Variants in CENPP observed in about 807,000 individuals in gnomAD.
The protein encoded by CENPP is centromere protein P.
A neutral mutation model predicts 35.6 loss-of-function variants in CENPP; 24 were observed. That is an observed-to-expected ratio of 0.67 (90% CI 0.49 to 0.95). CENPP has a LOEUF of 0.95. Ranked by LOEUF, CENPP falls within the 40% of genes least tolerant of loss-of-function variation. The pLI is 0.00. For missense variants in CENPP, 332 were observed against 345.3 expected (o/e 0.96, Z 0.31); for synonymous variants, 120 against 125.5 (o/e 0.96, Z 0.29).
At chr9:92,611,032 G>A (rs377134173) in intron 5 of CENPP, 4 of 504,816 alleles carry the variant, frequency 7.9e-6, no homozygotes, top group Admixed American at 3.5e-5. Flanking sequence ...TGGAAAGGGT[G>A]TGGGGAAACC....
At chr9:92,338,635 G>A (rs1467499221) in intron 3 of CENPP, among the ~76,000 whole-genome samples, 2 of 150,854 alleles carry the variant, frequency 1.3e-5, no homozygotes, top group East Asian at 3.9e-4. Context: ...AAATATTTTT[G>A]GTCTGCAGTT....
chr9:92,481,927 A>G (rs1252481324), intron 5 of CENPP, among the ~76,000 whole-genome samples: 1 of 152,088 alleles, frequency 6.6e-6, no homozygotes, highest in Non-Finnish European at 1.5e-5. Context: ...GATATCCCCA[A>G]ACTTCATGAT....
chr9:92,467,544 G>A (rs553171986), intron 5 of CENPP, among the ~76,000 whole-genome samples: 3 of 152,242 alleles, frequency 2.0e-5, no homozygotes, highest in African/African-American at 7.2e-5. Context: ...TACCAATCCA[G>A]GTCATCTGAT....
At chr9:92,515,316 C>G in intron 5 of CENPP, 1 of 1,277,264 alleles carries the variant, frequency 7.8e-7, no homozygotes, top group Non-Finnish European at 9.9e-7. Flanking sequence ...TATTTGAGTG[C>G]AATTTAAAGA....
chr9:92,497,075 T>C (rs768822544), intron 5 of CENPP, among the ~76,000 whole-genome samples: 1 of 152,150 alleles, frequency 6.6e-6, no homozygotes, highest in African/African-American at 2.4e-5. Context: ...TAAAATTACA[T>C]ACACACTTTA....
In CENPP at chr9:92,332,276, A is replaced by G; in HGVS notation, c.214A>G (p.Thr72Ala). The G allele has an allele frequency of 6.2e-7, 1 of 1,612,786 alleles. No homozygotes were observed. Among genetic ancestry groups the G allele is most frequent in the South Asian group, 1.1e-5 (1 of 90,838 alleles). The change falls in exon 2 of 8, where the codon ACG becomes GCG. Residue 72 changes from threonine (T) to alanine (A), a missense_variant. By Grantham distance (58) the Thr-to-Ala change is moderately conservative. Transcript: ENST00000375587. The part of the protein sequence containing the change: ...HLESELSFLS[T>A]LTGINIRNHS... The stretch of plus-strand genomic sequence containing the variant: ...AGAATCAGAACTTTCATTTCTAAGT[A>G]CGCTTACTGGCATCAATATAAGAAA...
intron 5 of CENPP, among the ~76,000 whole-genome samples, chr9:92,478,716 G>A (rs538520130): frequency 4.6e-5 from 7 of 152,150 alleles, no homozygotes; most frequent in African/African-American, 1.7e-4. Flanking sequence ...GCCTCCCAAA[G>A]TGTGCCACTG....
intron 5 of CENPP, chr9:92,496,475 A>G: frequency 6.2e-7 from 1 of 1,609,114 alleles, no homozygotes; most frequent in African/African-American, 1.3e-5. Flanking sequence ...TTCTTCTGGA[A>G]GAATGTTCCT....
At chr9:92,556,787 C>G (rs2131336165) in intron 5 of CENPP, among the ~76,000 whole-genome samples, 1 of 152,342 alleles carries the variant, frequency 6.6e-6, no homozygotes, top group East Asian at 1.9e-4. Flanking sequence ...CTTATCTACT[C>G]TGCTGTTGTG....
intron 5 of CENPP, among the ~76,000 whole-genome samples, chr9:92,581,265 G>T (rs1850417864): frequency 2.0e-5 from 3 of 152,034 alleles, no homozygotes; most frequent in Admixed American, 1.3e-4. Flanking sequence ...TACTTCTGGG[G>T]TGTTGGCAAG....
At chr9:92,577,881 G>A (rs1449011699) in intron 5 of CENPP, among the ~76,000 whole-genome samples, 2 of 151,372 alleles carry the variant, frequency 1.3e-5, no homozygotes, top group African/African-American at 2.4e-5. Context: ...CATGTGCCAT[G>A]CTGGTGCACT....
At chr9:92,407,457 TA>T (rs1274352282) in intron 5 of CENPP, among the ~76,000 whole-genome samples, 1 of 152,226 alleles carries the variant, frequency 6.6e-6, no homozygotes, top group Non-Finnish European at 1.5e-5. Context: ...GTACTCAATA[TA>T]AAATGCTTGA....
intron 5 of CENPP, among the ~76,000 whole-genome samples, chr9:92,475,975 C>A (rs569810734): frequency 6.6e-6 from 1 of 152,080 alleles, no homozygotes; most frequent in Non-Finnish European, 1.5e-5. Flanking sequence ...AAATTATTAC[C>A]TGTGAAATGT....
At chr9:92,607,324 G>A (rs1341851894) in intron 5 of CENPP, among the ~76,000 whole-genome samples, 4 of 152,160 alleles carry the variant, frequency 2.6e-5, no homozygotes, top group African/African-American at 9.7e-5. Flanking sequence ...ATAGACCAGA[G>A]TGTCTTTCAA....
Position 92,390,005 on chromosome 9 carries a change from T to C in CENPP, c.564+10146T>C, listed in dbSNP as rs370820027. The C allele has an allele frequency of 2.2e-5, 36 of 1,607,392 alleles. No homozygotes were observed. Among genetic ancestry groups the C allele is most frequent in the Admixed American group, 3.3e-5 (2 of 59,894 alleles). ...CAGAGAAAGTTTTGAAAAAGTACCATCTTCTATATCTTCTATCAAATTTCC... is the reference window on the plus strand; with the variant it reads ...CAGAGAAAGTTTTGAAAAAGTACCACCTTCTATATCTTCTATCAAATTTCC... On this transcript the variant is annotated intron_variant, in intron 5 of 7. Transcript: ENST00000375587.
At chr9:92,336,723 C>T (rs1588036289) in intron 2 of CENPP, among the ~76,000 whole-genome samples, 2 of 152,196 alleles carry the variant, frequency 1.3e-5, no homozygotes, top group South Asian at 4.2e-4. Context: ...CTGTAAAATT[C>T]CTGTAGTATG....
intron 5 of CENPP, among the ~76,000 whole-genome samples, chr9:92,468,587 A>T (rs1845399156): frequency 6.6e-6 from 1 of 152,198 alleles, no homozygotes; most frequent in African/African-American, 2.4e-5. Context: ...AACACAGAGA[A>T]TTTGTAGAAT....
chr9:92,470,768 G>A (rs931378114), intron 5 of CENPP: 13 of 1,581,528 alleles, frequency 8.2e-6, no homozygotes, highest in Non-Finnish European at 1.0e-5. Context: ...TGTTGGTTGG[G>A]ACTGAGGTCA....
intron 3 of CENPP, among the ~76,000 whole-genome samples, chr9:92,344,792 A>G (rs977592465): frequency 2.0e-5 from 3 of 147,006 alleles, no homozygotes; most frequent in Non-Finnish European, 4.5e-5. Flanking sequence ...CAGGTGATTC[A>G]CCCGCCTCTG....
Sources: allele counts gnomAD v4.1 joint callset (sites outside exome capture counted in the v4.1 genomes callset), GRCh38; gene constraint gnomAD v4.1.1; transcripts MANE v1.5; gene names NCBI Gene and HGNC (gene_info 2026-07-23, HGNC 2026-07-21).